The following ZNF282 variants were observed in gnomAD, a reference collection of about 807,000 sequenced individuals.
ZNF282 encodes HTLV-I U5 repressive element-binding protein 1.
In ZNF282, 30 loss-of-function variants were observed where a neutral mutation model predicts 61.9. The ratio of observed to expected loss-of-function variants is 0.48; its 90% CI spans 0.36 to 0.66. The LOEUF (loss-of-function observed/expected upper bound fraction) is 0.66, where lower values mean the gene tolerates loss of function less well. ZNF282 is among the 30% of genes least tolerant of loss of function. The pLI, the probability that ZNF282 is intolerant of heterozygous loss-of-function variation, is 0.00. For synonymous variants in ZNF282, 396 were observed against 405.0 expected, an observed-to-expected ratio of 0.98 and a Z score of 0.27; for missense variants, 788 against 941.4, an observed-to-expected ratio of 0.84 and a Z score of 2.13.
At chr7:149,211,053 A>G (rs1461218611) in intron 5 of ZNF282, among the ~76,000 whole-genome samples, 2 of 152,222 alleles carry the variant, frequency 1.3e-5, no homozygotes, top group Non-Finnish European at 2.9e-5. Flanking sequence ...GAGGTCAGGA[A>G]GACCTGTTGT....
Position 149,212,438 on chromosome 7 carries a change from G to T in ZNF282, c.1033G>T (p.Ala345Ser). Residue 345 changes from alanine (A) to serine (S), a missense_variant, in exon 6 of 8, where the codon GCA becomes TCA. This residue lies in a region of ZNF282 where 559 missense variants were observed against 642.0 expected (regional missense o/e 0.87). Transcript: ENST00000610704. ...HQCVWDQQDL[A>S]DRDIPTDPNS... Reference sequence around the variant, plus strand: ...GTGCGTGTGGGATCAGCAGGATTTGGCAGACAGAGATATTCCCACGGATCC... The same window carrying T: ...GTGCGTGTGGGATCAGCAGGATTTGTCAGACAGAGATATTCCCACGGATCC... 1.2e-6 allele frequency: 2 copies of T among 1,613,004 alleles called. No individual in the cohort carries two copies. The highest frequency in any genetic ancestry group is 1.7e-6 in the Non-Finnish European group (2 of 1,179,578).
chr7:149,222,355 G>A (rs998921478), intron 7 of ZNF282, among the ~76,000 whole-genome samples: 2 of 152,206 alleles, frequency 1.3e-5, no homozygotes, highest in Non-Finnish European at 2.9e-5. Context: ...TGCCCCACAT[G>A]CTTAGTGGAA....
intron 1 of ZNF282, among the ~76,000 whole-genome samples, chr7:149,197,542 G>A (rs1341208962): frequency 1.3e-5 from 2 of 152,048 alleles, no homozygotes; most frequent in East Asian, 1.9e-4. Context: ...GCACCATCTC[G>A]GCTCACTGCA....
chr7:149,207,495 G>A, intron 4 of ZNF282, 25 bp downstream of exon 4: 1 of 1,556,106 alleles, frequency 6.4e-7, no homozygotes, highest in Non-Finnish European at 8.7e-7. Context: ...AGAGAGTGCG[G>A]GGTCCAGGGA....
chr7:149,223,257 A>G (rs549340645), intron 7 of ZNF282, among the ~76,000 whole-genome samples: 1 of 151,524 alleles, frequency 6.6e-6, no homozygotes, highest in Admixed American at 6.6e-5. Flanking sequence ...TACAGGCGTG[A>G]GCCACTGCGA....
At chr7:149,204,687 A>T (rs7787753) in intron 2 of ZNF282, among the ~76,000 whole-genome samples, 80,255 of 151,984 alleles carry the variant, frequency 0.53, 24,496 homozygotes, top group East Asian at 0.93. Context: ...GGAGAATGAA[A>T]CGTTTGAAAC....
At chr7:149,210,766 G>T in intron 5 of ZNF282, 62 bp downstream of exon 5, 1 of 1,468,084 alleles carries the variant, frequency 6.8e-7, no homozygotes, top group South Asian at 1.4e-5. Context: ...GGTTAGCATG[G>T]TCTGCCAGCC....
chr7:149,199,421 C>G (rs1232838177), intron 2 of ZNF282, among the ~76,000 whole-genome samples: 1 of 151,962 alleles, frequency 6.6e-6, no homozygotes, highest in Non-Finnish European at 1.5e-5. Context: ...GAGGTCACCC[C>G]CAGCGTCTCT....
chr7:149,218,173 G>A (rs1796188883), intron 7 of ZNF282, among the ~76,000 whole-genome samples: 1 of 151,916 alleles, frequency 6.6e-6, no homozygotes, highest in South Asian at 2.1e-4. Flanking sequence ...TCTGGTTTAC[G>A]TTTTTATAGG....
chr7:149,206,877 T>G, intron 3 of ZNF282, 55 bp downstream of exon 3: 1 of 1,604,840 alleles, frequency 6.2e-7, no homozygotes, highest in East Asian at 2.2e-5. Flanking sequence ...GGTTGTGAAA[T>G]GCTTATTTGT....
intron 6 of ZNF282, among the ~76,000 whole-genome samples, 178 bp downstream of exon 6, chr7:149,212,649 C>T (rs1796106309): frequency 6.6e-6 from 1 of 152,192 alleles, no homozygotes; most frequent in African/African-American, 2.4e-5. Flanking sequence ...GGTGTGATCT[C>T]AGCTCACCGC....
rs1235369417 is a variant in ZNF282, at chr7:149,198,528, A to G, written c.361A>G (p.Asn121Asp). Reference protein sequence around the residue: ...KVDAQASQLLNLEGRTGTAEK... With the variant: ...KVDAQASQLLDLEGRTGTAEK... Reference sequence around the variant, plus strand: ...GGATGCCCAGGCCAGCCAGCTGCTGAACCTGGAGGGGCGCACGGGGACAGC... The same window carrying G: ...GGATGCCCAGGCCAGCCAGCTGCTGGACCTGGAGGGGCGCACGGGGACAGC... The change falls in exon 2 of 8, where the codon AAC becomes GAC. Residue 121 changes from asparagine to aspartate, a missense_variant. Physicochemically the swap from Asn to Asp is conservative, Grantham distance 23. Around this residue, in one of 3 missense-constraint regions of ZNF282, gnomAD observed 92 missense variants for 163.9 expected, o/e 0.56. Transcript: ENST00000610704. This position sits in a 1 kb window ranked among gnomAD's most constrained non-coding sequence, Gnocchi z 4.3. 2 of 1,614,196 alleles carry G rather than the reference A, an allele frequency of 1.2e-6. No homozygotes were observed. The highest frequency in any genetic ancestry group is 2.2e-5 in the South Asian group (2 of 91,082).
chr7:149,220,536 A>G (rs1011168045), intron 7 of ZNF282, among the ~76,000 whole-genome samples: 12 of 152,314 alleles, frequency 7.9e-5, no homozygotes, highest in African/African-American at 2.6e-4. Context: ...GTTCTTTCCA[A>G]TTCCTTGCCT....
At chr7:149,213,008 C>T (rs1796110700) in intron 6 of ZNF282, among the ~76,000 whole-genome samples, 1 of 152,014 alleles carries the variant, frequency 6.6e-6, no homozygotes, top group African/African-American at 2.4e-5. Flanking sequence ...TAGAAGTTTC[C>T]CAAGAAACTT....
chr7:149,215,483 A>G (rs142010168), intron 7 of ZNF282, among the ~76,000 whole-genome samples: 3,425 of 152,288 alleles, frequency 0.022, 55 homozygotes, highest in Non-Finnish European at 0.036. Context: ...GATTACAGGC[A>G]TGAGCCATAG....
chr7:149,222,137 G>C (rs1796265256), intron 7 of ZNF282, among the ~76,000 whole-genome samples: 1 of 152,194 alleles, frequency 6.6e-6, no homozygotes, highest in South Asian at 2.1e-4. Flanking sequence ...CTCAGAGCCT[G>C]GGCTTTGTCT....
intron 7 of ZNF282, among the ~76,000 whole-genome samples, chr7:149,223,214 T>G (rs1392027306): frequency 6.6e-6 from 1 of 151,774 alleles, no homozygotes; most frequent in Non-Finnish European, 1.5e-5. Flanking sequence ...ACTAAGGTGA[T>G]CCGCCCACCT....
intron 2 of ZNF282, among the ~76,000 whole-genome samples, chr7:149,203,127 T>C (rs1207994499): frequency 6.6e-6 from 1 of 152,236 alleles, no homozygotes; most frequent in African/African-American, 2.4e-5. Context: ...GTTTTGCATA[T>C]GTCGCTTGTC....
At chr7:149,203,273 G>C (rs1795943911) in intron 2 of ZNF282, among the ~76,000 whole-genome samples, 1 of 152,222 alleles carries the variant, frequency 6.6e-6, no homozygotes, top group East Asian at 1.9e-4. Context: ...ACTTGACAAG[G>C]GCTCTTACAG....
Sources: gnomAD v4.1 joint callset for allele counts (sites outside exome capture counted in the v4.1 genomes callset) on GRCh38, gnomAD v4.1.1 for gene constraint, gnomAD v4.1.1 regional missense constraint, Gnocchi (gnomAD v3.1) non-coding constraint, MANE v1.5 for transcripts, NCBI Gene and HGNC (gene_info 2026-07-23, HGNC 2026-07-21) for gene names.